The following EEIG2 variants were observed in gnomAD, a reference collection of about 807,000 sequenced individuals.
The protein encoded by EEIG2 is EEIG family member 2.
At chr1:108,574,065 G>A in the EEIG2 span, among the ~76,000 whole-genome samples, 1 of 152,174 alleles carries the variant, frequency 6.6e-6, no homozygotes, top group East Asian at 1.9e-4. Context: ...GGACACCCAT[G>A]TTCATAGCAG....
chr1:108,577,995 TC>T, the EEIG2 span, among the ~76,000 whole-genome samples: 1 of 149,866 alleles, frequency 6.7e-6, no homozygotes, highest in Admixed American at 6.6e-5. Context: ...TTTGTAGTTC[TC>T]CTTGAAGAGG....
At chr1:108,625,649 C>T in the EEIG2 span, 110 of 152,196 alleles carry the variant, frequency 7.2e-4, no homozygotes, top group African/African-American at 2.6e-3. Flanking sequence ...ACAAAAACTC[C>T]TTAGCCCTAC....
chr1:108,619,320 A>G, the EEIG2 span, among the ~76,000 whole-genome samples: 1 of 152,234 alleles, frequency 6.6e-6, no homozygotes, highest in African/African-American at 2.4e-5. Flanking sequence ...AAGAGAATCA[A>G]ACCCTCAGTA....
the EEIG2 span, among the ~76,000 whole-genome samples, chr1:108,605,558 T>C: frequency 6.6e-6 from 1 of 152,154 alleles, no homozygotes; most frequent in African/African-American, 2.4e-5. Flanking sequence ...CTAATAATAA[T>C]GACAAAGACA....
chr1:108,637,630 C>A, the EEIG2 span: 1 of 152,056 alleles, frequency 6.6e-6, no homozygotes, highest in South Asian at 2.1e-4. Flanking sequence ...GAAGAATTTG[C>A]AGATGTATAC....
the EEIG2 span, among the ~76,000 whole-genome samples, chr1:108,575,558 C>G: frequency 6.6e-6 from 1 of 152,284 alleles, no homozygotes; most frequent in East Asian, 1.9e-4. Flanking sequence ...GTTGAAACAA[C>G]CCCAGTGTCC....
the EEIG2 span, among the ~76,000 whole-genome samples, chr1:108,568,381 G>A: frequency 1.3e-5 from 2 of 152,130 alleles, no homozygotes; most frequent in Non-Finnish European, 1.5e-5. Context: ...GTTATCAAAT[G>A]GAGGTCCAAG....
the EEIG2 span, among the ~76,000 whole-genome samples, chr1:108,580,004 A>G: frequency 1.3e-5 from 2 of 152,098 alleles, no homozygotes; most frequent in East Asian, 1.9e-4. Flanking sequence ...GCCTCAAGCC[A>G]TCCTCTCACC....
the EEIG2 span, among the ~76,000 whole-genome samples, chr1:108,614,205 T>TA: frequency 0.026 from 2,636 of 101,210 alleles, 129 homozygotes; most frequent in African/African-American, 0.079. Context: ...ACCCCATCTC[T>TA]AAAAAAAAAA....
the EEIG2 span, among the ~76,000 whole-genome samples, chr1:108,632,197 T>C: frequency 2.0e-5 from 3 of 150,636 alleles, no homozygotes; most frequent in African/African-American, 7.3e-5. Context: ...AAAACCAAGA[T>C]TAAAACTCAT....
the EEIG2 span, among the ~76,000 whole-genome samples, chr1:108,614,073 A>C: frequency 6.6e-6 from 1 of 151,236 alleles, no homozygotes; most frequent in Non-Finnish European, 1.5e-5. Flanking sequence ...GCTATCTTTA[A>C]CCTTACCACT....
chr1:108,596,109 AT>A, the EEIG2 span, among the ~76,000 whole-genome samples: 1 of 151,944 alleles, frequency 6.6e-6, no homozygotes, highest in East Asian at 1.9e-4. Context: ...GGAGGCAGGG[AT>A]TAGGACTTTG....
the EEIG2 span, among the ~76,000 whole-genome samples, chr1:108,633,891 C>G: frequency 6.6e-6 from 1 of 152,170 alleles, no homozygotes; most frequent in Admixed American, 6.5e-5. Context: ...CTCCTTCACT[C>G]AGAGAGACCA....
the EEIG2 span, chr1:108,637,353 T>C: frequency 2.0e-5 from 3 of 152,160 alleles, no homozygotes; most frequent in Admixed American, 1.3e-4. Context: ...TTGTGTTCCA[T>C]TGGCACACTT....
At chr1:108,621,626 G>C in the EEIG2 span, among the ~76,000 whole-genome samples, 1 of 152,122 alleles carries the variant, frequency 6.6e-6, no homozygotes, top group Non-Finnish European at 1.5e-5. Context: ...GAGTTCTGAG[G>C]GTTGGAAAAC....
At chr1:108,637,184 A>G in the EEIG2 span, 1 of 152,202 alleles carries the variant, frequency 6.6e-6, no homozygotes, top group Non-Finnish European at 1.5e-5. Context: ...AAGCATAAAA[A>G]TCATGCCTTT....
At chr1:108,621,831 T>G in the EEIG2 span, among the ~76,000 whole-genome samples, 567 of 87,588 alleles carry the variant, frequency 6.5e-3, 5 homozygotes, top group African/African-American at 0.022. Context: ...ATGCAGGGTG[T>G]TTTTTTTTTT....
the EEIG2 span, among the ~76,000 whole-genome samples, chr1:108,571,277 C>T: frequency 1.3e-5 from 2 of 152,042 alleles, no homozygotes; most frequent in African/African-American, 4.8e-5. Context: ...TGCCTCTGGA[C>T]CTGTGGAAGA....
the EEIG2 span, chr1:108,638,100 C>G: frequency 2.0e-5 from 3 of 152,244 alleles, no homozygotes; most frequent in Admixed American, 6.6e-5. Context: ...TTAAGAGAGA[C>G]AGTGTCTTGC....
Sources: gnomAD v4.1 joint callset for allele counts (sites outside exome capture counted in the v4.1 genomes callset) on GRCh38, gnomAD v4.1.1 for gene constraint, MANE v1.5 for transcripts, NCBI Gene and HGNC (gene_info 2026-07-23, HGNC 2026-07-21) for gene names.